SNX1: variants seen among roughly 807,000 people sequenced by gnomAD.
SNX1 encodes sorting nexin 1, also known as sorting nexin-1.
In SNX1, 36 loss-of-function variants were observed where a neutral mutation model predicts 71.8. The observed-to-expected ratio is 0.50, with a 90% CI of 0.38 to 0.66. The LOEUF is 0.66. Ranked by LOEUF, SNX1 falls within the 30% of genes least tolerant of loss-of-function variation. The pLI is 0.00. For missense variants in SNX1, 612 were observed against 646.7 expected, an observed-to-expected ratio of 0.95 and a Z score of 0.58; for synonymous variants, 254 against 240.7, an observed-to-expected ratio of 1.06 and a Z score of -0.51.
rs776526537 is a variant in SNX1 at position 64,134,620 on chromosome 15, TCTTGAAGAGCTGG to T, written c.1222-43_1222-31del. 6.3e-7 allele frequency: 1 copy of T among 1,580,532 alleles called. No homozygotes were observed. Among genetic ancestry groups the T allele is most frequent in the Non-Finnish European group, 8.6e-7 (1 of 1,161,794 alleles). ...TGCCTCGAGGCAGAGCCAGCAGAGC[TCTTGAAGAGCTGG>T]TTGTGCTCCTCCTCAACCCCACCCC... On this transcript the variant is annotated intron_variant, in intron 11 of 14. Transcript: ENST00000559844. The surrounding 1 kb of genome is among the most constrained non-coding windows in gnomAD (Gnocchi z 4.1).
At chr15:64,113,915 C>A (rs901756216) in intron 2 of SNX1, among the ~76,000 whole-genome samples, 2 of 151,954 alleles carry the variant, frequency 1.3e-5, no homozygotes, top group African/African-American at 4.8e-5. Context: ...AAAAGGGGCC[C>A]CATGGTTGGG....
intron 1 of SNX1, among the ~76,000 whole-genome samples, chr15:64,099,653 A>T (rs1178088227): frequency 1.3e-5 from 2 of 152,358 alleles, no homozygotes; most frequent in East Asian, 3.9e-4. Flanking sequence ...CCCCATCTCA[A>T]AACAACAACA....
chr15:64,100,097 T>C (rs2140128350), intron 1 of SNX1, among the ~76,000 whole-genome samples: 1 of 152,332 alleles, frequency 6.6e-6, no homozygotes, highest in South Asian at 2.1e-4. Context: ...ATTGAAGAAT[T>C]TTGAAGTTGA....
rs2081426537 is a variant in SNX1, at chr15:64,142,643, A to G, written c.*5025A>G. 4.4e-6 allele frequency: 2 copies of G among 455,840 alleles called. No individual in the cohort carries two copies. Among genetic ancestry groups the G allele is most frequent in the African/African-American group, 2.0e-5 (1 of 50,026 alleles). The allele number at this position is 455,840 out of a possible 1,614,324, so 28.2% of individuals were successfully genotyped here. ...TTTCTGAGATAGGAATGTCATATTT[A>G]CCTATTTAAGCCAAGTTTTTTTAGA... On this transcript the variant is annotated 3_prime_UTR_variant, in exon 15 of 15. Transcript: ENST00000559844.
chr15:64,126,038 A>G (rs747780343), intron 5 of SNX1, 41 bp from the exon 6 acceptor site: 11 of 1,610,884 alleles, frequency 6.8e-6, no homozygotes, highest in East Asian at 4.5e-5. Flanking sequence ...ACCATCCCCT[A>G]TTTGGAATGA....
intron 2 of SNX1, among the ~76,000 whole-genome samples, chr15:64,117,109 G>A (rs1567323433): frequency 1.3e-5 from 2 of 152,116 alleles, no homozygotes; most frequent in African/African-American, 4.8e-5. Context: ...TTTCCCAAAT[G>A]TTACTGTGCT....
chr15:64,103,111 G>C (rs1177311465), intron 1 of SNX1, among the ~76,000 whole-genome samples: 1 of 152,012 alleles, frequency 6.6e-6, no homozygotes, highest in Non-Finnish European at 1.5e-5. Context: ...TGGACACTTA[G>C]GTTGATTCCA....
Position 64,143,599 on chromosome 15 carries a change from T to C in SNX1, c.*5981T>C. 6.6e-6 allele frequency: 1 copy of C among 152,260 alleles called. No homozygotes were observed. The highest frequency in any genetic ancestry group is 1.9e-4 in the East Asian group (1 of 5,202). The allele number at this position is 152,260 out of a possible 1,614,324, so 9.4% of individuals were successfully genotyped here. On this transcript the variant is annotated 3_prime_UTR_variant, in exon 15 of 15. Coordinates refer to ENST00000559844, the MANE Select transcript of SNX1 (RefSeq NM_003099.5). ...ACCTCATGGAAACTGATTGCAAATG[T>C]GCTACTTCTCACTTCTGTGTGGCCC...
intron 1 of SNX1, among the ~76,000 whole-genome samples, chr15:64,098,876 A>G (rs1333692647): frequency 1.3e-5 from 2 of 152,126 alleles, no homozygotes; most frequent in African/African-American, 4.8e-5. Flanking sequence ...TGCAGAAAGC[A>G]TAATTATTTT....
At chr15:64,135,633 C>T (rs1056175475) in intron 12 of SNX1, among the ~76,000 whole-genome samples, 9 of 151,474 alleles carry the variant, frequency 5.9e-5, no homozygotes, top group Admixed American at 4.6e-4. Context: ...GTAGCACCCA[C>T]TTATAGTCTC....
intron 11 of SNX1, chr15:64,132,316 G>A (rs2081315278): frequency 4.9e-6 from 1 of 204,400 alleles, no homozygotes; most frequent in South Asian, 8.0e-5. Flanking sequence ...AAGAGCTCTT[G>A]CTGACTTCCA....
At chr15:64,135,346 T>G (rs934108829) in intron 12 of SNX1, among the ~76,000 whole-genome samples, 1 of 149,692 alleles carries the variant, frequency 6.7e-6, no homozygotes, top group African/African-American at 2.5e-5. Context: ...GTGATCCACC[T>G]GCCTCGGCCT....
chr15:64,135,006 C>T (rs558230103), intron 12 of SNX1, 199 bp downstream of exon 12: 18 of 617,008 alleles, frequency 2.9e-5, no homozygotes, highest in Admixed American at 2.6e-4. Context: ...TTCTACTCTA[C>T]GCAGACTTGT....
At position 64,140,983 on chromosome 15, in the gene SNX1, TGATAGATAGATA is replaced by T. The variant is rs1555494204; in HGVS notation, c.*3397_*3408del. ...GCTCTCACCATACAGTGCAAAGAGA[TGATAGATAGATA>T]GATAGATAGATAGATAGATAGATAG... is the stretch of plus-strand genomic sequence containing the variant. On this transcript the variant is annotated 3_prime_UTR_variant, in exon 15 of 15. Transcript: ENST00000559844. 2.0e-5 allele frequency: 3 copies of T among 148,780 alleles called. No individual in the cohort carries two copies. The highest frequency in any genetic ancestry group is 5.0e-5 in the African/African-American group (2 of 39,648). The allele number at this position is 148,780 out of a possible 1,614,324, so 9.2% of individuals were successfully genotyped here. A position where few individuals can be genotyped will look rare whatever the true frequency, so the allele number is the denominator to read the frequency against.
rs1310913290 is a variant in SNX1 at position 64,137,717 on chromosome 15, T to G, written c.*99T>G. On this transcript the variant is annotated 3_prime_UTR_variant, in exon 15 of 15. Coordinates refer to ENST00000559844, the MANE Select transcript of SNX1 (RefSeq NM_003099.5). Reference sequence around the variant, plus strand: ...CCCTAGTGATGCATCCTGCCTAGGCTGGACTTAACCCCTTCCTCCCTGTCC... The same window carrying G: ...CCCTAGTGATGCATCCTGCCTAGGCGGGACTTAACCCCTTCCTCCCTGTCC... 1 of 1,582,412 alleles carries G rather than the reference T, an allele frequency of 6.3e-7. No individual in the cohort carries two copies. The highest frequency in any genetic ancestry group is 1.3e-5 in the African/African-American group (1 of 74,340).
At chr15:64,111,260 T>C (rs2081075389) in intron 1 of SNX1, among the ~76,000 whole-genome samples, 1 of 152,224 alleles carries the variant, frequency 6.6e-6, no homozygotes, top group South Asian at 2.1e-4. Context: ...TTTTTAGTTT[T>C]GTTTTTAAGA....
chr15:64,137,193 T>C (rs1213799220), intron 14 of SNX1, among the ~76,000 whole-genome samples: 1 of 152,212 alleles, frequency 6.6e-6, no homozygotes, highest in Non-Finnish European at 1.5e-5. Flanking sequence ...CTGTAACTGC[T>C]TACCCTTCGA....
intron 1 of SNX1, among the ~76,000 whole-genome samples, chr15:64,099,831 C>T (rs992348221): frequency 3.9e-5 from 6 of 152,214 alleles, no homozygotes; most frequent in African/African-American, 1.4e-4. Context: ...CCTGCCTCAA[C>T]CTCCTGAGTA....
At chr15:64,102,397 A>G (rs925550349) in intron 1 of SNX1, among the ~76,000 whole-genome samples, 2 of 152,248 alleles carry the variant, frequency 1.3e-5, no homozygotes, top group Non-Finnish European at 2.9e-5. Flanking sequence ...TGTTGAGAAC[A>G]TTAGAATTCT....
Sources: allele counts gnomAD v4.1 joint callset (sites outside exome capture counted in the v4.1 genomes callset), GRCh38; gene constraint gnomAD v4.1.1; non-coding constraint Gnocchi (gnomAD v3.1); transcripts MANE v1.5; gene names NCBI Gene and HGNC (gene_info 2026-07-23, HGNC 2026-07-21).